GABRP: variants seen among roughly 807,000 people sequenced by gnomAD.
GABRP encodes gamma-aminobutyric acid type A receptor subunit pi.
A neutral mutation model predicts 47.8 loss-of-function variants in GABRP; 52 were observed. That is an observed-to-expected ratio of 1.09 (90% CI 0.87 to 1.37). GABRP has a LOEUF of 1.37. Ranked by LOEUF, GABRP falls within the 40% of genes most tolerant of loss-of-function variation. GABRP has a pLI of 0.00. For synonymous variants in GABRP, 221 were observed against 205.8 expected (o/e 1.07, Z -0.63); for missense variants, 525 against 542.8 (o/e 0.97, Z 0.33).
intron 6 of GABRP, among the ~76,000 whole-genome samples, chr5:170,800,795 A>C (rs1206709608): frequency 6.6e-6 from 1 of 152,100 alleles, no homozygotes; most frequent in Non-Finnish European, 1.5e-5. Context: ...AAAATACAAA[A>C]ATTAGCCAGG....
In GABRP at chr5:170,812,047, T is replaced by A. The variant is rs772860257; in HGVS notation, c.1112T>A (p.Ile371Asn). Residue 371 changes from isoleucine to asparagine, a missense_variant, in exon 10 of 10, where the codon ATT (isoleucine) becomes AAT (asparagine). Ile to Asn is a moderately radical substitution (Grantham distance 149, BLOSUM62 -3). Coordinates refer to ENST00000265294, the MANE Select transcript of GABRP (RefSeq NM_014211.3). The stretch of plus-strand genomic sequence containing the variant: ...AAACGGAAGATCAGCTTTGCCAGCA[T>A]TGAAATTTCCAGCGACAACGTTGAC... ...SFKRKISFAS[I>N]EISSDNVDYS... 3.7e-6 allele frequency: 6 copies of A among 1,614,064 alleles called. No individual in the cohort carries two copies. The African/African-American group carries it at 8.0e-5, about 22-fold the overall frequency.
In GABRP at chr5:170,784,640, T is replaced by G. The variant is rs531824494; in HGVS notation, c.-43+766T>G. Among the ~76,000 whole-genome samples, 3 of 152,292 alleles carry G rather than the reference T, an allele frequency of 2.0e-5. No individual in the cohort carries two copies. In the East Asian group the frequency reaches 5.8e-4, roughly 29 times the overall value. On this transcript the variant is annotated intron_variant, in intron 1 of 9. Coordinates refer to ENST00000265294, the MANE Select transcript of GABRP (RefSeq NM_014211.3). Reference sequence around the variant, plus strand: ...GGGTGTATATAGAAATAGAAAGAGCTTGAGATTTGGGTTCTATTAGTCATA... The same window carrying G: ...GGGTGTATATAGAAATAGAAAGAGCGTGAGATTTGGGTTCTATTAGTCATA...
intron 1 of GABRP, among the ~76,000 whole-genome samples, chr5:170,785,467 C>A (rs920437485): frequency 1.3e-5 from 2 of 152,170 alleles, no homozygotes; most frequent in African/African-American, 4.8e-5. Context: ...CATTTAGAAG[C>A]CTTTTTCTTC....
chr5:170,800,407 A>G (rs1765559267), intron 6 of GABRP, among the ~76,000 whole-genome samples: 3 of 152,244 alleles, frequency 2.0e-5, no homozygotes, highest in Non-Finnish European at 4.4e-5. Context: ...AAACCTAAGC[A>G]ATACCATTCA....
chr5:170,797,435 T>C, intron 5 of GABRP, 31 bp from the exon 6 acceptor site: 1 of 1,380,706 alleles, frequency 7.2e-7, no homozygotes, highest in Non-Finnish European at 1.0e-6. Context: ...TTCCTCACAA[T>C]ACTGTTTTTG....
intron 6 of GABRP, among the ~76,000 whole-genome samples, chr5:170,805,239 T>A: frequency 6.6e-6 from 1 of 152,042 alleles, no homozygotes; most frequent in East Asian, 1.9e-4. Flanking sequence ...CTTTGAGACT[T>A]ATCTAACGTG....
Position 170,795,381 on chromosome 5 carries a change from G to A in GABRP, c.414G>A (p.Arg138=). The A allele has an allele frequency of 6.2e-7, 1 of 1,614,072 alleles. No homozygotes were observed. Among genetic ancestry groups the A allele is most frequent in the South Asian group, 1.1e-5 (1 of 91,068 alleles). The part of the protein sequence containing the change: ...SFLHEVTVGN[R]LIRLFSNGTV... ...TCCATGAAGTCACTGTGGGAAACAG[G>A]CTCATCCGCCTCTTCTCCAATGGCA... is the stretch of plus-strand genomic sequence containing the variant. Residue 138 remains arginine (R), a synonymous_variant, in exon 5 of 10, where the codon AGG becomes AGA. Coordinates refer to ENST00000265294, the MANE Select transcript of GABRP (RefSeq NM_014211.3).
chr5:170,810,339 CT>C lies in GABRP; in HGVS notation c.1020+588del, dbSNP rs138186057. ...ACATGTGCCAGACACAGTAACAAGC[CT>C]TTTGCAAATACTATATTATTTTAAA... On this transcript the variant is annotated intron_variant, in intron 9 of 9. Coordinates refer to ENST00000265294, the MANE Select transcript of GABRP (RefSeq NM_014211.3). Among the ~76,000 whole-genome samples, 1,379 of 152,226 alleles carry C rather than the reference CT, an allele frequency of 9.1e-3. 10 individuals carry two copies. Among genetic ancestry groups the C allele is most frequent in the Non-Finnish European group, 0.016 (1,104 of 68,020 alleles).
chr5:170,791,519 AC>A (rs1765268493), intron 3 of GABRP, among the ~76,000 whole-genome samples: 1 of 152,178 alleles, frequency 6.6e-6, no homozygotes, highest in Non-Finnish European at 1.5e-5. Context: ...GCTGGCTTTG[AC>A]CTCGTTCCTG....
Sources: gnomAD v4.1 joint callset for allele counts (sites outside exome capture counted in the v4.1 genomes callset) on GRCh38, gnomAD v4.1.1 for gene constraint, MANE v1.5 for transcripts, NCBI Gene and HGNC (gene_info 2026-07-23, HGNC 2026-07-21) for gene names.